Variants in DOCK10 observed in about 807,000 individuals in gnomAD.
DOCK10 encodes dedicator of cytokinesis 10, also known as dedicator of cytokinesis protein 10.
In DOCK10, 145 loss-of-function variants were observed where a neutral mutation model predicts 280.1. That is an observed-to-expected ratio of 0.52 (90% CI 0.45 to 0.59). DOCK10 has a LOEUF of 0.59. DOCK10 is among the 20% of genes least tolerant of loss of function. The probability of loss-of-function intolerance (pLI) is 0.00; values close to 1 mark genes in which losing one functional copy is unlikely to be tolerated. For missense variants in DOCK10, 2,368 were observed against 2,651.7 expected (o/e 0.89, Z 2.35); for synonymous variants, 915 against 942.2 (o/e 0.97, Z 0.53).
chr2:225,041,380 C>G (rs544025032), intron 1 of DOCK10, among the ~76,000 whole-genome samples: 1 of 152,300 alleles, frequency 6.6e-6, no homozygotes, highest in South Asian at 2.1e-4. Context: ...CTTCCCGTTT[C>G]CACTAGAGTT....
At chr2:224,867,121 CTCTA>C (rs879529815) in intron 11 of DOCK10, among the ~76,000 whole-genome samples, 157 of 151,608 alleles carry the variant, frequency 1.0e-3, no homozygotes, top group Non-Finnish European at 1.4e-3. Context: ...ATTTATTTAT[CTCTA>C]TCTGTGTATG....
At chr2:224,865,632 C>A (rs1013407073) in intron 11 of DOCK10, among the ~76,000 whole-genome samples, 3 of 152,136 alleles carry the variant, frequency 2.0e-5, no homozygotes. Context: ...AGGTGAGCAT[C>A]AGGTTGTGAG....
intron 1 of DOCK10, chr2:224,983,747 T>TA: frequency 2.1e-6 from 1 of 470,918 alleles, no homozygotes; most frequent in Non-Finnish European, 4.4e-6. Flanking sequence ...CTTTTTCTTT[T>TA]AAGAAGTACT....
At chr2:224,849,756 T>G (rs1696604311) in intron 18 of DOCK10, among the ~76,000 whole-genome samples, 157 bp from the exon 19 acceptor site, 1 of 152,212 alleles carries the variant, frequency 6.6e-6, no homozygotes, top group Non-Finnish European at 1.5e-5. Context: ...TTGAACTTCT[T>G]TGGCCTACTA....
At chr2:224,853,342 G>A (rs1696882706) in intron 16 of DOCK10, among the ~76,000 whole-genome samples, 1 of 152,178 alleles carries the variant, frequency 6.6e-6, no homozygotes, top group Non-Finnish European at 1.5e-5. Context: ...GAAAAAAACA[G>A]TAAATCTTTT....
chr2:224,815,295 G>A (rs889922268), intron 30 of DOCK10, among the ~76,000 whole-genome samples: 3 of 152,132 alleles, frequency 2.0e-5, no homozygotes, highest in South Asian at 4.1e-4. Flanking sequence ...ATGGCACTGT[G>A]AGTCAATTCA....
intron 14 of DOCK10, among the ~76,000 whole-genome samples, chr2:224,857,877 A>G (rs774931006): frequency 1.3e-5 from 2 of 152,134 alleles, no homozygotes; most frequent in Non-Finnish European, 2.9e-5. Context: ...GGCCATTTAA[A>G]TGGATATCAG....
At chr2:224,934,732 G>A (rs1358223527) in intron 1 of DOCK10, among the ~76,000 whole-genome samples, 1 of 152,198 alleles carries the variant, frequency 6.6e-6, no homozygotes, top group African/African-American at 2.4e-5. Context: ...TTTAACAAGG[G>A]TTGGGTTGTC....
intron 3 of DOCK10, among the ~76,000 whole-genome samples, chr2:224,900,560 A>G (rs541592795): frequency 1.3e-5 from 2 of 152,216 alleles, no homozygotes; most frequent in Non-Finnish European, 2.9e-5. Context: ...CATTTGGACC[A>G]TCATTCTGGA....
intron 25 of DOCK10, among the ~76,000 whole-genome samples, chr2:224,836,446 T>G (rs759335297): frequency 6.6e-6 from 1 of 152,188 alleles, no homozygotes; most frequent in African/African-American, 2.4e-5. Flanking sequence ...CACATACTCA[T>G]GCTTTGGCAT....
intron 1 of DOCK10, among the ~76,000 whole-genome samples, chr2:224,964,318 C>A (rs1704611136): frequency 6.6e-6 from 1 of 152,064 alleles, no homozygotes; most frequent in Non-Finnish European, 1.5e-5. Flanking sequence ...TTTAATATAG[C>A]TTGATCTTAA....
At chr2:224,995,477 A>G (rs1269440706) in intron 1 of DOCK10, among the ~76,000 whole-genome samples, 1 of 152,246 alleles carries the variant, frequency 6.6e-6, no homozygotes, top group Non-Finnish European at 1.5e-5. Context: ...CGCCAATAAT[A>G]CACAGGAGGG....
chr2:224,895,384 G>T lies in DOCK10; in HGVS notation c.416+911C>A, dbSNP rs539646644. Among the ~76,000 whole-genome samples the T allele has an allele frequency of 2.0e-5, 3 of 152,290 alleles. No homozygotes were observed. The South Asian group carries it at 6.2e-4, about 32-fold the overall frequency. ...GTTAATACAAACTTAACTTTTGATT[G>T]TTTCAAGTGTTTTTCTGAATTATTT... On this transcript the variant is annotated intron_variant, in intron 4 of 55. Coordinates refer to ENST00000258390, the MANE Select transcript of DOCK10 (RefSeq NM_014689.3).
intron 1 of DOCK10, among the ~76,000 whole-genome samples, chr2:225,015,359 C>A (rs1421439418): frequency 6.6e-6 from 1 of 152,184 alleles, no homozygotes; most frequent in East Asian, 1.9e-4. Context: ...CAGGATTTTA[C>A]CATGCTTTTA....
intron 1 of DOCK10, among the ~76,000 whole-genome samples, chr2:224,975,833 G>A (rs1020689813): frequency 7.2e-5 from 11 of 152,270 alleles, no homozygotes; most frequent in East Asian, 1.9e-4. Flanking sequence ...TTCTACAAGT[G>A]GGGGACCCGA....
At chr2:224,807,448 CAG>C in intron 33 of DOCK10, 1 of 399,464 alleles carries the variant, frequency 2.5e-6, no homozygotes, top group Non-Finnish European at 4.5e-6. Context: ...ATACAGAGAA[CAG>C]AGAGAAATGA....
At chr2:224,986,923 C>G (rs1034934322) in intron 1 of DOCK10, among the ~76,000 whole-genome samples, 1 of 152,180 alleles carries the variant, frequency 6.6e-6, no homozygotes, top group African/African-American at 2.4e-5. Flanking sequence ...GAGAAAGGCT[C>G]TTAATTCCCC....
chr2:225,000,829 A>T (rs535849112), intron 1 of DOCK10, among the ~76,000 whole-genome samples: 1 of 152,310 alleles, frequency 6.6e-6, no homozygotes, highest in Non-Finnish European at 1.5e-5. Flanking sequence ...TACAAAAATT[A>T]GCTGAGCATG....
At chr2:224,791,688 C>A (rs1336765553) in intron 47 of DOCK10, among the ~76,000 whole-genome samples, 1 of 149,816 alleles carries the variant, frequency 6.7e-6, no homozygotes, top group Non-Finnish European at 1.5e-5. Flanking sequence ...CTTGGCCAGG[C>A]TGGTCTTGAA....
Sources: gnomAD v4.1 joint callset for allele counts (sites outside exome capture counted in the v4.1 genomes callset) on GRCh38, gnomAD v4.1.1 for gene constraint, MANE v1.5 for transcripts, NCBI Gene and HGNC (gene_info 2026-07-23, HGNC 2026-07-21) for gene names.